The following CNBD1 variants were observed in gnomAD, a reference collection of about 807,000 sequenced individuals.
CNBD1 encodes the protein cyclic nucleotide-binding domain-containing protein 1.
CNBD1 carries 71 observed loss-of-function variants against 54.4 expected under a neutral mutation model. The ratio of observed to expected loss-of-function variants is 1.30; its 90% CI spans 1.08 to 1.59. CNBD1 has a LOEUF of 1.59. Ranked by LOEUF, CNBD1 falls within the 40% of genes most tolerant of loss-of-function variation. The pLI is 0.00. For synonymous variants in CNBD1, 182 were observed against 170.7 expected, an observed-to-expected ratio of 1.07 and a Z score of -0.51; for missense variants, 659 against 518.0, an observed-to-expected ratio of 1.27 and a Z score of -2.64.
In CNBD1 at chr8:87,177,398, A is replaced by T. The variant is rs1039146546; in HGVS notation, c.432-28595A>T. Among the ~76,000 whole-genome samples, 4 of 152,346 alleles carry T rather than the reference A, an allele frequency of 2.6e-5. No homozygotes were observed. The South Asian group carries it at 6.2e-4, about 24-fold the overall frequency. ...ATAAAATAATTGTTCCAATATGGAA[A>T]AAAATTGGGAGATGGAGAATTTCAT... is the stretch of plus-strand genomic sequence containing the variant. On this transcript the variant is annotated intron_variant, in intron 4 of 10. Coordinates refer to ENST00000518476, the MANE Select transcript of CNBD1 (RefSeq NM_173538.3).
chr8:87,269,313 G>T (rs1808319577), intron 6 of CNBD1, among the ~76,000 whole-genome samples: 1 of 151,978 alleles, frequency 6.6e-6, no homozygotes, highest in African/African-American at 2.4e-5. Flanking sequence ...ATGCTGTTTT[G>T]GTTACTATAG....
intron 8 of CNBD1, among the ~76,000 whole-genome samples, chr8:87,309,470 T>C (rs1442645587): frequency 6.6e-6 from 1 of 152,156 alleles, no homozygotes; most frequent in East Asian, 1.9e-4. Context: ...TCTAGTGCTA[T>C]TGCTTTGTGT....
chr8:87,386,104 C>T (rs542664564), downstream of CNBD1, among the ~76,000 whole-genome samples: 9 of 152,174 alleles, frequency 5.9e-5, no homozygotes, highest in African/African-American at 1.9e-4. Flanking sequence ...ACACCAAAAC[C>T]CCATCTGTGC....
In CNBD1 at chr8:86,967,773, ATCTCAC is replaced by A. The variant is rs531955593; in HGVS notation, c.431+28023_431+28028del. Reference sequence around the variant, plus strand: ...CTGGTAATTCCAACATTCCTGTCATATCTCACTCTGAATCCGTTGCTTGTTCAGTTT... The same window carrying A: ...CTGGTAATTCCAACATTCCTGTCATATCTGAATCCGTTGCTTGTTCAGTTT... On this transcript the variant is annotated intron_variant, in intron 4 of 10. Transcript: ENST00000518476. Among the ~76,000 whole-genome samples the A allele has an allele frequency of 3.6e-4, 54 of 149,430 alleles. No homozygotes were observed. In the East Asian group the frequency reaches 9.4e-3, roughly 26 times the overall value.
intron 4 of CNBD1, among the ~76,000 whole-genome samples, chr8:87,133,739 T>A (rs1343800470): frequency 2.8e-5 from 4 of 143,894 alleles, no homozygotes; most frequent in African/African-American, 4.9e-5. Context: ...GGATTTAAAA[T>A]TTTTTTTATG....
chr8:87,223,465 C>G (rs1475218981), intron 5 of CNBD1, among the ~76,000 whole-genome samples: 1 of 148,118 alleles, frequency 6.8e-6, no homozygotes, highest in Admixed American at 6.9e-5. Flanking sequence ...TTGTTCAATT[C>G]CCACCTATGA....
chr8:87,396,943 T>TAAA (rs1256470467), intron 2 of CNBD1, among the ~76,000 whole-genome samples: 1 of 151,342 alleles, frequency 6.6e-6, no homozygotes, highest in African/African-American at 2.4e-5. Context: ...TCTTTTCATG[T>TAAA]AATTCATGGA....
intron 4 of CNBD1, among the ~76,000 whole-genome samples, chr8:87,171,458 C>A (rs935225605): frequency 9.9e-5 from 15 of 151,310 alleles, no homozygotes; most frequent in African/African-American, 1.5e-4. Context: ...TAAAAAAAAA[C>A]CAACTTTTTG....
At chr8:86,926,507 G>A (rs1447922216) in intron 3 of CNBD1, among the ~76,000 whole-genome samples, 2 of 152,186 alleles carry the variant, frequency 1.3e-5, no homozygotes, top group Non-Finnish European at 2.9e-5. Context: ...CAAGATGGCT[G>A]TCATGGGACC....
chr8:87,381,604 C>T (rs1811076330), intron 10 of CNBD1, among the ~76,000 whole-genome samples: 1 of 151,682 alleles, frequency 6.6e-6, no homozygotes, highest in Non-Finnish European at 1.5e-5. Context: ...TGCATAATAG[C>T]TAATATGTGG....
At chr8:87,343,098 G>A (rs901549013) in intron 8 of CNBD1, among the ~76,000 whole-genome samples, 4 of 152,150 alleles carry the variant, frequency 2.6e-5, no homozygotes, top group African/African-American at 4.8e-5. Context: ...AGAATTCAGC[G>A]ATATTTCTCC....
At chr8:87,305,111 A>T (rs148031898) in intron 8 of CNBD1, among the ~76,000 whole-genome samples, 1 of 152,234 alleles carries the variant, frequency 6.6e-6, no homozygotes, top group Non-Finnish European at 1.5e-5. Flanking sequence ...ATACACCAAC[A>T]ATGACTAAGT....
intron 2 of CNBD1, among the ~76,000 whole-genome samples, chr8:86,892,136 T>C (rs578041185): frequency 6.6e-6 from 1 of 152,166 alleles, no homozygotes; most frequent in African/African-American, 2.4e-5. Flanking sequence ...GTCTTGTTCT[T>C]GATCTTAGAT....
chr8:87,190,345 A>C (rs1407723923), intron 4 of CNBD1, among the ~76,000 whole-genome samples: 1 of 152,142 alleles, frequency 6.6e-6, no homozygotes, highest in Non-Finnish European at 1.5e-5. Context: ...GGAGACTCCC[A>C]GTTGTTCTGT....
chr8:87,138,748 A>G (rs1376474688), intron 4 of CNBD1, among the ~76,000 whole-genome samples: 2 of 152,178 alleles, frequency 1.3e-5, no homozygotes, highest in Admixed American at 6.6e-5. Flanking sequence ...ACTGTTGTCC[A>G]CTGAACTATA....
intron 4 of CNBD1, among the ~76,000 whole-genome samples, chr8:87,159,738 T>G (rs1333227285): frequency 2.0e-5 from 3 of 152,268 alleles, no homozygotes; most frequent in East Asian, 3.9e-4. Flanking sequence ...GAAAGCATCC[T>G]GGCTGTGTCA....
chr8:87,330,637 A>G (rs983362646), intron 8 of CNBD1, among the ~76,000 whole-genome samples: 1 of 152,094 alleles, frequency 6.6e-6, no homozygotes. Context: ...ATTCCATTCT[A>G]TTCTGAGAGA....
chr8:87,356,454 TA>T (rs1039826770), intron 10 of CNBD1, among the ~76,000 whole-genome samples: 185 of 152,302 alleles, frequency 1.2e-3, no homozygotes, highest in African/African-American at 4.4e-3. Flanking sequence ...TGCTATGCCC[TA>T]GCAAAAATCT....
At chr8:87,333,829 T>C (rs1047388442) in intron 8 of CNBD1, among the ~76,000 whole-genome samples, 1 of 149,678 alleles carries the variant, frequency 6.7e-6, no homozygotes, top group Non-Finnish European at 1.5e-5. Flanking sequence ...TGAAGTTTTC[T>C]TTTTTTTGTT....
Sources: allele counts gnomAD v4.1 joint callset (sites outside exome capture counted in the v4.1 genomes callset), GRCh38; gene constraint gnomAD v4.1.1; transcripts MANE v1.5; gene names NCBI Gene and HGNC (gene_info 2026-07-23, HGNC 2026-07-21).